The following S100A8 variants were observed in gnomAD, a reference collection of about 807,000 sequenced individuals.
S100A8 encodes the protein S100 calcium binding protein A8.
Under a neutral mutation model 4.2 loss-of-function variants are expected in S100A8, and 1 was observed. The observed-to-expected ratio is 0.24, with a 90% CI of 0.08 to 1.12. S100A8 has a LOEUF of 1.12. Ranked by LOEUF, S100A8 falls within the 50% of genes most tolerant of loss-of-function variation. The pLI is 0.53. For synonymous variants in S100A8, 41 were observed against 44.7 expected, an observed-to-expected ratio of 0.92 and a Z score of 0.33; for missense variants, 96 against 111.8, an observed-to-expected ratio of 0.86 and a Z score of 0.64.
chr1:153,398,258 G>A, the S100A8 span, among the ~76,000 whole-genome samples: 1 of 152,288 alleles, frequency 6.6e-6, no homozygotes, highest in South Asian at 2.1e-4. Context: ...TGACAAAGAA[G>A]ATGGGCAGGG....
the S100A8 span, chr1:153,419,402 C>A: frequency 7.2e-7 from 1 of 1,381,676 alleles, no homozygotes; most frequent in African/African-American, 1.5e-5. Context: ...TCTTTGGTGA[C>A]CTACATTGTC....
the S100A8 span, among the ~76,000 whole-genome samples, chr1:153,418,448 C>T: frequency 6.6e-6 from 1 of 152,112 alleles, no homozygotes; most frequent in African/African-American, 2.4e-5. Context: ...ATTAGATGGT[C>T]AGCAAAGTGT....
At chr1:153,417,443 C>T in the S100A8 span, among the ~76,000 whole-genome samples, 2 of 152,124 alleles carry the variant, frequency 1.3e-5, no homozygotes, top group African/African-American at 4.8e-5. Context: ...ATTCTTGTTT[C>T]TCATTCCCAA....
the S100A8 span, among the ~76,000 whole-genome samples, chr1:153,411,791 G>C: frequency 6.6e-6 from 1 of 152,106 alleles, no homozygotes; most frequent in African/African-American, 2.4e-5. Context: ...GAGGTATAGA[G>C]CAATGTAACA....
the S100A8 span, among the ~76,000 whole-genome samples, chr1:153,403,070 C>T: frequency 6.6e-6 from 1 of 152,200 alleles, no homozygotes; most frequent in African/African-American, 2.4e-5. Flanking sequence ...CTAGACCACA[C>T]AAGCAGACAA....
At chr1:153,390,786 C>A in intron 1 of S100A8, 1 of 578,296 alleles carries the variant, frequency 1.7e-6, no homozygotes, top group African/African-American at 1.9e-5. Flanking sequence ...ACACACGGGG[C>A]CCGTAGACTT....
chr1:153,410,331 A>G, the S100A8 span, among the ~76,000 whole-genome samples: 2 of 152,250 alleles, frequency 1.3e-5, no homozygotes, highest in Non-Finnish European at 2.9e-5. Context: ...ACAAACTACC[A>G]TTAGAGAATA....
At chr1:153,418,578 A>G in the S100A8 span, among the ~76,000 whole-genome samples, 2 of 152,140 alleles carry the variant, frequency 1.3e-5, no homozygotes, top group African/African-American at 4.8e-5. Flanking sequence ...CCCTGAGATT[A>G]CTGGGAAAGC....
At chr1:153,392,615 A>T (rs2101610487), upstream of S100A8, among the ~76,000 whole-genome samples, 1 of 152,306 alleles carries the variant, frequency 6.6e-6, no homozygotes, top group African/African-American at 2.4e-5. Context: ...TGGATGAAGA[A>T]AATGTTTTGT....
chr1:153,398,965 C>A, the S100A8 span, among the ~76,000 whole-genome samples: 4 of 152,176 alleles, frequency 2.6e-5, no homozygotes, highest in Non-Finnish European at 1.5e-5. Context: ...GTTGGGATGC[C>A]CATCCACACT....
the S100A8 span, among the ~76,000 whole-genome samples, chr1:153,417,446 A>T: frequency 6.6e-6 from 1 of 152,140 alleles, no homozygotes; most frequent in African/African-American, 2.4e-5. Flanking sequence ...CTTGTTTCTC[A>T]TTCCCAAGGG....
At chr1:153,415,914 A>T in the S100A8 span, among the ~76,000 whole-genome samples, 1 of 152,252 alleles carries the variant, frequency 6.6e-6, no homozygotes, top group Non-Finnish European at 1.5e-5. Flanking sequence ...GATAAGAGTA[A>T]GGATTTGATT....
At chr1:153,391,627 T>C (rs980024946), upstream of S100A8, among the ~76,000 whole-genome samples, 1 of 152,148 alleles carries the variant, frequency 6.6e-6, no homozygotes, top group African/African-American at 2.4e-5. Context: ...TTCTTTTGGG[T>C]GGGTGCTTTG....
the S100A8 span, among the ~76,000 whole-genome samples, chr1:153,397,038 T>A: frequency 6.6e-6 from 1 of 152,350 alleles, no homozygotes; most frequent in Non-Finnish European, 1.5e-5. Flanking sequence ...CATTGATGGT[T>A]TACTGTCTGC....
the S100A8 span, chr1:153,419,676 AG>A: frequency 4.2e-6 from 1 of 237,346 alleles, no homozygotes; most frequent in South Asian, 9.8e-5. Flanking sequence ...AGGGTCATTC[AG>A]ACACATTCAG....
the S100A8 span, among the ~76,000 whole-genome samples, chr1:153,404,759 C>T: frequency 6.6e-6 from 1 of 152,120 alleles, no homozygotes; most frequent in Non-Finnish European, 1.5e-5. Flanking sequence ...GTAAGAAAAG[C>T]CCTCTGCCTT....
chr1:153,402,491 G>C, the S100A8 span, among the ~76,000 whole-genome samples: 1 of 152,196 alleles, frequency 6.6e-6, no homozygotes, highest in South Asian at 2.1e-4. Context: ...TGGGCTGACA[G>C]AGGGGCAGAA....
the S100A8 span, chr1:153,417,820 T>G: frequency 2.2e-6 from 1 of 452,126 alleles, no homozygotes; most frequent in Non-Finnish European, 4.0e-6. Context: ...TGAAGCACTG[T>G]CCACAGCTGG....
the S100A8 span, chr1:153,417,936 A>AC: frequency 9.2e-7 from 1 of 1,084,290 alleles, no homozygotes; most frequent in South Asian, 1.6e-5. Flanking sequence ...CATCACATTT[A>AC]AAAAAATCAA....
Sources: gnomAD v4.1 joint callset for allele counts (sites outside exome capture counted in the v4.1 genomes callset) on GRCh38, gnomAD v4.1.1 for gene constraint, MANE v1.5 for transcripts, NCBI Gene and HGNC (gene_info 2026-07-23, HGNC 2026-07-21) for gene names.